Variants in CTNNA2 observed in about 807,000 individuals in gnomAD.
CTNNA2 encodes catenin alpha 2.
Under a neutral mutation model 101.0 loss-of-function variants are expected in CTNNA2, and 42 were observed. That is an observed-to-expected ratio of 0.42 (90% confidence interval 0.32 to 0.54). The LOEUF is 0.54. Ranked by LOEUF, CTNNA2 falls within the 20% of genes least tolerant of loss-of-function variation. The pLI is 0.14. For missense variants in CTNNA2, 871 were observed against 1,223.1 expected (o/e 0.71, Z 4.29); for synonymous variants, 450 against 456.4 (o/e 0.99, Z 0.18).
rs183091793 is a variant in CTNNA2 at position 79,658,834 on chromosome 2, T to G, written c.102+7176T>G. ...GAGCTCTCTTTAATCATTTCCAGTATTATTTTGAGCAATGTTCGTGGGGCC... is the reference window on the plus strand; with the variant it reads ...GAGCTCTCTTTAATCATTTCCAGTAGTATTTTGAGCAATGTTCGTGGGGCC... On this transcript the variant is annotated intron_variant, in intron 2 of 18. Coordinates refer to ENST00000402739, the MANE Select transcript of CTNNA2 (RefSeq NM_001282597.3). 2.0e-4 allele frequency among the ~76,000 whole-genome samples: 30 copies of G among 152,184 alleles called. No homozygotes were observed. In the East Asian group the frequency reaches 5.8e-3, roughly 29 times the overall value.
intron 3 of CTNNA2, among the ~76,000 whole-genome samples, chr2:79,367,020 G>A (rs1418933720): frequency 6.6e-6 from 1 of 152,174 alleles, no homozygotes; most frequent in African/African-American, 2.4e-5. Flanking sequence ...GTATGTGATG[G>A]TATTTGGAGA....
intron 7 of CTNNA2, among the ~76,000 whole-genome samples, chr2:80,305,960 G>A (rs1469066471): frequency 1.3e-5 from 2 of 152,172 alleles, no homozygotes; most frequent in Non-Finnish European, 2.9e-5. Context: ...ATTATATGTA[G>A]TGGCACTTAC....
chr2:80,527,272 G>T (rs1433896931), intron 9 of CTNNA2, among the ~76,000 whole-genome samples: 1 of 152,176 alleles, frequency 6.6e-6, no homozygotes, highest in Non-Finnish European at 1.5e-5. Flanking sequence ...AATTCCTGTT[G>T]GCTGGACTTT....
intron 7 of CTNNA2, among the ~76,000 whole-genome samples, chr2:79,951,453 G>A (rs1688875734): frequency 1.3e-5 from 2 of 152,222 alleles, no homozygotes; most frequent in South Asian, 4.2e-4. Context: ...GATCACTTGA[G>A]GTCAGGATTC....
intron 7 of CTNNA2, among the ~76,000 whole-genome samples, chr2:80,016,550 G>T (rs1298868434): frequency 6.6e-6 from 1 of 152,124 alleles, no homozygotes; most frequent in Non-Finnish European, 1.5e-5. Flanking sequence ...CCTGAAAAGA[G>T]ATTTTGCCTC....
At chr2:80,248,798 C>T (rs143091249) in intron 7 of CTNNA2, among the ~76,000 whole-genome samples, 369 of 152,228 alleles carry the variant, frequency 2.4e-3, no homozygotes, top group African/African-American at 8.5e-3. Flanking sequence ...AGAGAAATGG[C>T]TAAAGGCCCA....
intron 3 of CTNNA2, among the ~76,000 whole-genome samples, chr2:79,754,819 G>A (rs1214036526): frequency 6.6e-6 from 1 of 152,032 alleles, no homozygotes; most frequent in Non-Finnish European, 1.5e-5. Flanking sequence ...TGGTCTTAGG[G>A]TAAGATTTCA....
chr2:79,225,546 T>C (rs114039565), intron 2 of CTNNA2, among the ~76,000 whole-genome samples: 2,946 of 152,258 alleles, frequency 0.019, 53 homozygotes, highest in Middle Eastern at 0.037. Flanking sequence ...GTTCTTAACA[T>C]TTACAATAGG....
chr2:79,338,926 G>GGCTT (rs764325610), intron 3 of CTNNA2, among the ~76,000 whole-genome samples: 67 of 152,064 alleles, frequency 4.4e-4, no homozygotes, highest in Non-Finnish European at 6.0e-4. Flanking sequence ...ATGGACCTTG[G>GGCTT]GCTTGCTTTG....
intron 7 of CTNNA2, among the ~76,000 whole-genome samples, chr2:80,013,804 G>A (rs1693949006): frequency 6.6e-6 from 1 of 152,156 alleles, no homozygotes; most frequent in African/African-American, 2.4e-5. Flanking sequence ...GAAAGTCAAA[G>A]TCTAAAGTGA....
chr2:80,561,253 T>A (rs1263844905), intron 12 of CTNNA2, among the ~76,000 whole-genome samples: 4 of 152,176 alleles, frequency 2.6e-5, no homozygotes, highest in Non-Finnish European at 4.4e-5. Context: ...ACAGTCTAAG[T>A]TACTTCGGCA....
chr2:80,400,224 A>T (rs957536076), intron 8 of CTNNA2, among the ~76,000 whole-genome samples: 6 of 152,126 alleles, frequency 3.9e-5, no homozygotes, highest in African/African-American at 9.7e-5. Context: ...ATTACCTGAA[A>T]TGGCTTCTGG....
chr2:80,369,032 C>G (rs929701493), intron 7 of CTNNA2, among the ~76,000 whole-genome samples: 1 of 151,820 alleles, frequency 6.6e-6, no homozygotes, highest in Non-Finnish European at 1.5e-5. Context: ...TAGGGTTAGT[C>G]AGCTCAGAGC....
At chr2:79,426,236 T>C (rs1483239340) in intron 4 of CTNNA2, among the ~76,000 whole-genome samples, 1 of 152,070 alleles carries the variant, frequency 6.6e-6, no homozygotes, top group Non-Finnish European at 1.5e-5. Context: ...TTTGAGTAAA[T>C]ATGATGGATT....
chr2:79,992,967 A>C (rs1346730301), intron 7 of CTNNA2, among the ~76,000 whole-genome samples: 1 of 152,192 alleles, frequency 6.6e-6, no homozygotes, highest in Admixed American at 6.5e-5. Flanking sequence ...TAAAATTGAC[A>C]AAATTTTGCT....
intron 7 of CTNNA2, among the ~76,000 whole-genome samples, chr2:80,335,374 A>G (rs753617896): frequency 9.2e-5 from 14 of 152,162 alleles, no homozygotes; most frequent in Non-Finnish European, 4.4e-5. Flanking sequence ...GTTTGAGGGT[A>G]AGAAAGAGGA....
chr2:80,310,850 G>A (rs1345898203), intron 7 of CTNNA2, among the ~76,000 whole-genome samples: 1 of 151,922 alleles, frequency 6.6e-6, no homozygotes, highest in African/African-American at 2.4e-5. Context: ...ACGGGCGCCT[G>A]TAATCCCAGC....
chr2:80,581,765 C>T lies in CTNNA2; in HGVS notation c.1953C>T (p.Ser651=), dbSNP rs1695564734. Residue 651 remains serine, a synonymous_variant, in exon 14 of 19, where the codon AGC becomes AGT. Transcript: ENST00000402739. ...DFEQEDYDVR[S]RTSVQTEDDQ... ...AGCAGGAAGATTATGATGTGCGTAG[C>T]AGGACAAGTGTTCAGACTGAGGATG... The T allele has an allele frequency of 2.5e-6, 4 of 1,613,362 alleles. No homozygotes were observed. Among genetic ancestry groups the T allele is most frequent in the Non-Finnish European group, 3.4e-6 (4 of 1,179,488 alleles).
chr2:79,615,122 C>CTA (rs756665639), intron 1 of CTNNA2, among the ~76,000 whole-genome samples: 3 of 152,098 alleles, frequency 2.0e-5, no homozygotes, highest in African/African-American at 7.2e-5. Context: ...TTCAGCATGT[C>CTA]TATATATAGC....
Sources: allele counts gnomAD v4.1 joint callset (sites outside exome capture counted in the v4.1 genomes callset), GRCh38; gene constraint gnomAD v4.1.1; transcripts MANE v1.5; gene names NCBI Gene and HGNC (gene_info 2026-07-23, HGNC 2026-07-21).